The following NWD2 variants were observed in gnomAD, a reference collection of about 807,000 sequenced individuals.
The protein encoded by NWD2 is NACHT and WD repeat domain containing 2.
NWD2 carries 37 observed loss-of-function variants against 132.7 expected under a neutral mutation model. That is an observed-to-expected ratio of 0.28 (90% CI 0.21 to 0.37). The LOEUF (loss-of-function observed/expected upper bound fraction) is 0.37. Ranked by LOEUF, NWD2 falls within the 10% of genes least tolerant of loss-of-function variation. NWD2 has a pLI of 1.00. For synonymous variants in NWD2, 705 were observed against 803.0 expected, an observed-to-expected ratio of 0.88 and a Z score of 2.06; for missense variants, 1,592 against 2,122.4, an observed-to-expected ratio of 0.75 and a Z score of 4.91.
At chr4:37,330,600 A>G (rs1719272730) in intron 2 of NWD2, among the ~76,000 whole-genome samples, 2 of 152,278 alleles carry the variant, frequency 1.3e-5, no homozygotes, top group Middle Eastern at 6.8e-3. Context: ...CAAAAATGGG[A>G]TGAACAAAAG....
chr4:37,447,293 T>C lies in NWD2; in HGVS notation c.*76T>C, dbSNP rs1712666196. ...AAAAAATGTGCCCCAAATGATAAAC[T>C]ATTCATTTATTAAAAGGCAGGAGCG... is the stretch of plus-strand genomic sequence containing the variant. On this transcript the variant is annotated 3_prime_UTR_variant, in exon 7 of 7. Transcript: ENST00000309447. 1 of 1,103,410 alleles carries C rather than the reference T, an allele frequency of 9.1e-7. No homozygotes were observed. The highest frequency in any genetic ancestry group is 1.6e-5 in the African/African-American group (1 of 62,942). 68.4% of individuals were successfully genotyped at this position (1,103,410 alleles called of 1,614,324 possible).
At chr4:37,248,655 T>C (rs1717292092) in intron 1 of NWD2, among the ~76,000 whole-genome samples, 1 of 152,196 alleles carries the variant, frequency 6.6e-6, no homozygotes, top group African/African-American at 2.4e-5. Context: ...TTACTGTGAT[T>C]AGCCTAAATA....
intron 1 of NWD2, among the ~76,000 whole-genome samples, chr4:37,322,329 G>A (rs918511255): frequency 2.6e-5 from 4 of 152,152 alleles, no homozygotes; most frequent in Non-Finnish European, 5.9e-5. Flanking sequence ...TTCTGTAGAT[G>A]GAGTGCTCAG....
chr4:37,272,896 A>G (rs553833486), intron 1 of NWD2, among the ~76,000 whole-genome samples: 6 of 151,874 alleles, frequency 4.0e-5, no homozygotes, highest in South Asian at 2.1e-4. Context: ...AGCATATGTT[A>G]TCTCCTGGAG....
intron 3 of NWD2, among the ~76,000 whole-genome samples, chr4:37,418,663 C>T (rs1425561164): frequency 1.3e-5 from 2 of 151,436 alleles, no homozygotes; most frequent in Admixed American, 1.3e-4. Flanking sequence ...TATTTATAAC[C>T]CTTTGGGTTA....
At chr4:37,382,487 AC>A (rs1720472359) in intron 3 of NWD2, among the ~76,000 whole-genome samples, 1 of 152,014 alleles carries the variant, frequency 6.6e-6, no homozygotes, top group Non-Finnish European at 1.5e-5. Flanking sequence ...GCAAATTTCG[AC>A]ATTTGGAATG....
rs868587590 is a variant in NWD2 at position 37,402,143 on chromosome 4, A to G, written c.358-28429A>G. On this transcript the variant is annotated intron_variant, in intron 3 of 6. Coordinates refer to ENST00000309447, the MANE Select transcript of NWD2 (RefSeq NM_001144990.2). ...CTGTATGCTAACTTACCCTTATGCC[A>G]TGTTATGACACAGCAAGAAGGGCCA... Among the ~76,000 whole-genome samples, 4 of 152,314 alleles carry G rather than the reference A, an allele frequency of 2.6e-5. No individual in the cohort carries two copies. In the South Asian group the frequency reaches 6.2e-4, roughly 24 times the overall value.
At chr4:37,276,564 C>T (rs760068414) in intron 1 of NWD2, among the ~76,000 whole-genome samples, 10 of 152,086 alleles carry the variant, frequency 6.6e-5, no homozygotes, top group Non-Finnish European at 1.2e-4. Flanking sequence ...ACTAGAAATA[C>T]CATTTGACCC....
chr4:37,336,888 G>A (rs943286652), intron 2 of NWD2, among the ~76,000 whole-genome samples: 1 of 142,906 alleles, frequency 7.0e-6, no homozygotes, highest in Non-Finnish European at 1.5e-5. Flanking sequence ...GCAGTGGGCC[G>A]AGATCAAGAT....
At chr4:37,391,117 A>G (rs1720672421) in intron 3 of NWD2, among the ~76,000 whole-genome samples, 1 of 152,008 alleles carries the variant, frequency 6.6e-6, no homozygotes, top group Non-Finnish European at 1.5e-5. Context: ...TTACCTGTTT[A>G]TTTTCCACTC....
intron 4 of NWD2, among the ~76,000 whole-genome samples, chr4:37,433,570 A>G (rs1358796575): frequency 6.6e-6 from 1 of 152,198 alleles, no homozygotes; most frequent in East Asian, 1.9e-4. Context: ...TTTGGAGGAC[A>G]CCAGAGATTA....
chr4:37,291,343 G>A (rs1431015536), intron 1 of NWD2, among the ~76,000 whole-genome samples: 1 of 151,384 alleles, frequency 6.6e-6, no homozygotes, highest in East Asian at 1.9e-4. Context: ...AAAAATCTAC[G>A]GTGATTCAGC....
At chr4:37,425,510 A>T (rs1646352425) in intron 3 of NWD2, among the ~76,000 whole-genome samples, 1 of 152,170 alleles carries the variant, frequency 6.6e-6, no homozygotes. Context: ...GACAGGCAAA[A>T]TCCCATGTGT....
rs573360267 is a variant in NWD2 at position 37,244,837 on chromosome 4, A to G, written c.-231A>G. The G allele has an allele frequency of 5.9e-3, 3,107 of 529,638 alleles. 12 individuals are homozygous for G. Among genetic ancestry groups the G allele is most frequent in the Non-Finnish European group, 7.8e-3 (2,372 of 305,296 alleles). 32.8% of individuals were successfully genotyped at this position (529,638 alleles called of 1,614,324 possible). A position where few individuals can be genotyped will look rare whatever the true frequency, so the allele number is the denominator to read the frequency against. On this transcript the variant is annotated 5_prime_UTR_variant, in exon 1 of 7. Transcript: ENST00000309447. This position sits in a 1 kb window ranked among gnomAD's most constrained non-coding sequence, Gnocchi z 5.5. ...TAGCAGCGGGCGAAGGCGGAGGCCC[A>G]GAAGGGCAGGAGACCGCCGCGACAG...
chr4:37,344,611 TACG>T (rs1719594691), intron 2 of NWD2, among the ~76,000 whole-genome samples: 1 of 152,184 alleles, frequency 6.6e-6, no homozygotes, highest in Non-Finnish European at 1.5e-5. Flanking sequence ...AAAGCGCTGT[TACG>T]ACATTTTTTA....
intron 1 of NWD2, among the ~76,000 whole-genome samples, chr4:37,279,921 A>G (rs1432188360): frequency 6.6e-6 from 1 of 152,230 alleles, no homozygotes. Flanking sequence ...TCATAGAGAG[A>G]TTGACAAGAG....
chr4:37,316,212 G>A (rs1226770401), intron 1 of NWD2, among the ~76,000 whole-genome samples: 1 of 151,984 alleles, frequency 6.6e-6, no homozygotes, highest in Non-Finnish European at 1.5e-5. Context: ...CAAATTTGGT[G>A]ATGTAAGTAT....
intron 1 of NWD2, among the ~76,000 whole-genome samples, chr4:37,260,407 T>A (rs1717605663): frequency 6.6e-6 from 1 of 152,142 alleles, no homozygotes; most frequent in Non-Finnish European, 1.5e-5. Flanking sequence ...CCCAACAGTG[T>A]TATTTGGGCA....
chr4:37,400,049 CTG>C (rs1720871603), intron 3 of NWD2, among the ~76,000 whole-genome samples: 1 of 152,196 alleles, frequency 6.6e-6, no homozygotes, highest in African/African-American at 2.4e-5. Context: ...ATTGTAGACT[CTG>C]TATCCCCAAC....
Sources: gnomAD v4.1 joint callset for allele counts (sites outside exome capture counted in the v4.1 genomes callset) on GRCh38, gnomAD v4.1.1 for gene constraint, Gnocchi (gnomAD v3.1) non-coding constraint, MANE v1.5 for transcripts, NCBI Gene and HGNC (gene_info 2026-07-23, HGNC 2026-07-21) for gene names.